Variants in DNAH3 observed in about 807,000 individuals in gnomAD.
DNAH3 encodes the protein dynein axonemal heavy chain 3.
In DNAH3, 332 loss-of-function variants were observed where a neutral mutation model predicts 432.5. That is an observed-to-expected ratio of 0.77 (90% CI 0.70 to 0.84). The LOEUF (loss-of-function observed/expected upper bound fraction) is 0.84. DNAH3 is among the 40% of genes least tolerant of loss of function. The probability of loss-of-function intolerance (pLI) is 0.00; values close to 1 mark genes in which losing one functional copy is unlikely to be tolerated. For synonymous variants in DNAH3, 1,956 were observed against 1,900.2 expected (o/e 1.03, Z -0.76); for missense variants, 4,861 against 5,114.0 (o/e 0.95, Z 1.51).
intron 3 of DNAH3, among the ~76,000 whole-genome samples, chr16:21,142,938 G>C (rs984024020): frequency 6.6e-6 from 1 of 152,126 alleles, no homozygotes; most frequent in Non-Finnish European, 1.5e-5. Context: ...TCACAAAATG[G>C]AAATAATACA....
intron 54 of DNAH3, among the ~76,000 whole-genome samples, chr16:20,958,201 T>C (rs2084662108): frequency 6.6e-6 from 1 of 151,856 alleles, no homozygotes; most frequent in Middle Eastern, 3.2e-3. Flanking sequence ...GCCTCCCAAG[T>C]TGCTGGGACT....
rs2090939528 is a variant in DNAH3 at position 21,075,434 on chromosome 16, C to T, written c.3084+13G>A. 1 of 1,576,018 alleles carries T rather than the reference C, an allele frequency of 6.3e-7. No individual in the cohort carries two copies. On this transcript the variant is annotated intron_variant, in intron 21 of 61. Transcript: ENST00000261383. ...CTGCTTTCAAAAGGGGCTGCGGTTG[C>T]AGTGAGACTCACAGTGTCCCTGTAT...
intron 21 of DNAH3, among the ~76,000 whole-genome samples, chr16:21,072,158 T>C (rs2090807988): frequency 6.6e-6 from 1 of 152,090 alleles, no homozygotes; most frequent in South Asian, 2.1e-4. Flanking sequence ...CTAAGGGCAC[T>C]GTGAAAAAAG....
intron 25 of DNAH3, among the ~76,000 whole-genome samples, chr16:21,061,029 T>G (rs773569569): frequency 4.0e-5 from 6 of 151,100 alleles, no homozygotes; most frequent in Non-Finnish European, 8.8e-5. Flanking sequence ...TGTAGAGCCG[T>G]GGTCTCTCTA....
At chr16:20,997,586 T>G (rs2086817393) in intron 43 of DNAH3, 124 bp from the exon 44 acceptor site, 1 of 1,136,580 alleles carries the variant, frequency 8.8e-7, no homozygotes, top group Non-Finnish European at 1.2e-6. Context: ...CCCATTCCAG[T>G]TAGGGCTTAG....
intron 8 of DNAH3, among the ~76,000 whole-genome samples, chr16:21,127,054 C>T (rs369709904): frequency 7.2e-5 from 11 of 151,976 alleles, no homozygotes; most frequent in Admixed American, 2.0e-4. Context: ...TGAATCACCC[C>T]GAAACCATCC....
At position 21,058,081 on chromosome 16, in the gene DNAH3, C is replaced by A. The variant is rs771334270; in HGVS notation, c.3924+5G>T. On this transcript the variant is annotated splice_donor_5th_base_variant and intron_variant, in intron 27 of 61. Coordinates refer to ENST00000261383, the Ensembl canonical transcript of DNAH3. ...CTTCTGTAACTTTGCAGCAAGTTCA[C>A]TTACCAGTAAGGTATTTTCCGCCAG... 5.9e-6 allele frequency: 9 copies of A among 1,533,346 alleles called. No individual in the cohort carries two copies. The Admixed American group carries it at 1.3e-4, about 23-fold the overall frequency. 95.0% of individuals were successfully genotyped at this position (1,533,346 alleles called of 1,614,324 possible).
intron 37 of DNAH3, among the ~76,000 whole-genome samples, chr16:21,030,191 C>T (rs910008889): frequency 6.6e-6 from 1 of 152,140 alleles, no homozygotes; most frequent in African/African-American, 2.4e-5. Flanking sequence ...TTTTCCACTT[C>T]CTGGTCAGGC....
At chr16:20,938,278 A>C (rs1173409097) in intron 59 of DNAH3, among the ~76,000 whole-genome samples, 1 of 152,074 alleles carries the variant, frequency 6.6e-6, no homozygotes, top group East Asian at 1.9e-4. Context: ...CCAGCTACTC[A>C]GGAGGCTGAG....
At chr16:21,123,398 A>G (rs1039532090) in intron 9 of DNAH3, among the ~76,000 whole-genome samples, 10 of 152,214 alleles carry the variant, frequency 6.6e-5, no homozygotes, top group Admixed American at 5.2e-4. Context: ...AAATACCTAT[A>G]AATTCCCCCC....
intron 59 of DNAH3, among the ~76,000 whole-genome samples, chr16:20,937,579 A>G (rs2083641909): frequency 1.4e-5 from 2 of 142,312 alleles, no homozygotes; most frequent in African/African-American, 5.2e-5. Flanking sequence ...CACCCAGGGA[A>G]GTGCAGTGGT....
At position 21,075,429 on chromosome 16, in the gene DNAH3, G is replaced by C; in HGVS notation, c.3084+18C>G. On this transcript the variant is annotated intron_variant, in intron 21 of 61. Transcript: ENST00000261383. ...TGGGGCTGCTTTCAAAAGGGGCTGC[G>C]GTTGCAGTGAGACTCACAGTGTCCC... The C allele has an allele frequency of 1.3e-6, 2 of 1,550,008 alleles. No homozygotes were observed. Among genetic ancestry groups the C allele is most frequent in the Non-Finnish European group, 8.9e-7 (1 of 1,121,392 alleles).
At chr16:20,938,291 A>G (rs1178092517) in intron 59 of DNAH3, among the ~76,000 whole-genome samples, 1 of 152,122 alleles carries the variant, frequency 6.6e-6, no homozygotes, top group African/African-American at 2.4e-5. Context: ...AGGCTGAGGC[A>G]GGAGAATCGC....
chr16:21,093,080 A>G (rs548243591), intron 18 of DNAH3, among the ~76,000 whole-genome samples: 11 of 152,188 alleles, frequency 7.2e-5, no homozygotes, highest in Non-Finnish European at 1.3e-4. Flanking sequence ...AGCCAACAAC[A>G]GATACCACTA....
chr16:20,980,265 T>TATACATCATATATTATAATATACATCATA (rs1356506403), intron 49 of DNAH3, among the ~76,000 whole-genome samples: 5 of 132,544 alleles, frequency 3.8e-5, no homozygotes, highest in Non-Finnish European at 6.4e-5. Flanking sequence ...ATATATTATA[T>TATACATCATATATTATAATATACATCATA]TATAATATAC....
chr16:21,155,902 C>T (rs1380207495), intron 1 of DNAH3, among the ~76,000 whole-genome samples: 1 of 152,122 alleles, frequency 6.6e-6, no homozygotes, highest in Non-Finnish European at 1.5e-5. Flanking sequence ...CCTGGCAGCT[C>T]ATTCCTGAGG....
chr16:20,988,579 GC>G (rs1567593551), intron 44 of DNAH3, among the ~76,000 whole-genome samples: 1 of 152,092 alleles, frequency 6.6e-6, no homozygotes, highest in African/African-American at 2.4e-5. Flanking sequence ...TGCTGTGATT[GC>G]AGGCATGAGA....
Position 20,963,405 on chromosome 16 carries a change from A to G in DNAH3, c.10479T>C (p.Ala3493=), listed in dbSNP as rs756161620. 9 of 1,614,058 alleles carry G rather than the reference A, an allele frequency of 5.6e-6. No homozygotes were observed. The African/African-American group carries it at 8.0e-5, about 14-fold the overall frequency. Residue 3493 remains alanine, a synonymous_variant, in exon 53 of 62, where the codon GCT becomes GCC. Coordinates refer to ENST00000261383, the Ensembl canonical transcript of DNAH3. ...CGATATACAGCTTTCCCATATGTTCAGCAATGAACTCCCGGACCGCTGGCA... is the reference window on the plus strand; with the variant it reads ...CGATATACAGCTTTCCCATATGTTCGGCAATGAACTCCCGGACCGCTGGCA...
intron 5 of DNAH3, among the ~76,000 whole-genome samples, chr16:21,137,952 C>A (rs1450270847): frequency 6.6e-6 from 1 of 151,942 alleles, no homozygotes; most frequent in Non-Finnish European, 1.5e-5. Flanking sequence ...AGTTTCAGAT[C>A]AGAAGAGGTT....
Sources: gnomAD v4.1 joint callset for allele counts (sites outside exome capture counted in the v4.1 genomes callset) on GRCh38, gnomAD v4.1.1 for gene constraint, MANE v1.5 for transcripts, NCBI Gene and HGNC (gene_info 2026-07-23, HGNC 2026-07-21) for gene names.